INPP4B: variants seen among roughly 807,000 people sequenced by gnomAD.
INPP4B encodes inositol polyphosphate-4-phosphatase type II B.
A neutral mutation model predicts 122.5 loss-of-function variants in INPP4B; 55 were observed. The observed-to-expected ratio is 0.45, with a 90% CI of 0.36 to 0.56. The LOEUF (loss-of-function observed/expected upper bound fraction) is 0.56. Among genes scored for constraint, INPP4B ranks in the 20% least tolerant of loss-of-function variants. The pLI is 0.00. For missense variants in INPP4B, 1,000 were observed against 1,097.7 expected, an observed-to-expected ratio of 0.91 and a Z score of 1.26; for synonymous variants, 403 against 388.7, an observed-to-expected ratio of 1.04 and a Z score of -0.43.
chr4:142,590,901 C>T (rs72726470), intron 2 of INPP4B, among the ~76,000 whole-genome samples: 1 of 105,410 alleles, frequency 9.5e-6, no homozygotes, highest in Non-Finnish European at 2.0e-5. Context: ...AAAAAAAAAA[C>T]AAAAGAACTA....
At chr4:142,396,238 A>G (rs1799318872) in intron 7 of INPP4B, among the ~76,000 whole-genome samples, 1 of 152,190 alleles carries the variant, frequency 6.6e-6, no homozygotes, top group Admixed American at 6.5e-5. Flanking sequence ...TGTATCCACA[A>G]TGTATGAAGA....
At chr4:142,527,782 G>A (rs1002862791) in intron 2 of INPP4B, among the ~76,000 whole-genome samples, 1 of 151,934 alleles carries the variant, frequency 6.6e-6, no homozygotes, top group Non-Finnish European at 1.5e-5. Flanking sequence ...CAGGAGGTCT[G>A]TGAAGTCAAG....
intron 8 of INPP4B, among the ~76,000 whole-genome samples, chr4:142,313,832 C>T (rs1015752988): frequency 1.4e-4 from 21 of 152,188 alleles, no homozygotes; most frequent in African/African-American, 4.3e-4. Context: ...TCACTAACAG[C>T]TGCAGAGATA....
chr4:142,818,746 G>T (rs74649812), intron 1 of INPP4B, among the ~76,000 whole-genome samples: 1,882 of 152,134 alleles, frequency 0.012, 31 homozygotes, highest in African/African-American at 0.038. Flanking sequence ...CCACAACTCT[G>T]TCAGGTCACT....
intron 1 of INPP4B, among the ~76,000 whole-genome samples, chr4:142,729,230 T>C (rs1051193308): frequency 1.3e-5 from 2 of 152,190 alleles, no homozygotes; most frequent in African/African-American, 2.4e-5. Context: ...CATCTCCCAC[T>C]GTGTGGCCCG....
chr4:142,290,781 G>A (rs1045468485), intron 9 of INPP4B, among the ~76,000 whole-genome samples: 8 of 152,076 alleles, frequency 5.3e-5, no homozygotes, highest in Non-Finnish European at 8.8e-5. Flanking sequence ...GATGGGGGAC[G>A]TGGTATGTAT....
intron 1 of INPP4B, among the ~76,000 whole-genome samples, chr4:142,734,642 G>A (rs1019370166): frequency 6.6e-6 from 1 of 151,784 alleles, no homozygotes; most frequent in Non-Finnish European, 1.5e-5. Context: ...ATTAGATTTT[G>A]TTTGTTTGTT....
chr4:142,392,270 C>T lies in INPP4B; in HGVS notation c.372+10668G>A, dbSNP rs541741986. ...GATCCTTGATGTGAACAGTTTTTCC[C>T]AAGATCATGGATAAAGACTTCTACT... On this transcript the variant is annotated intron_variant, in intron 7 of 25. Transcript: ENST00000262992. Among the ~76,000 whole-genome samples, 264 of 152,218 alleles carry T rather than the reference C, an allele frequency of 1.7e-3. 2 individuals are homozygous for T. Among genetic ancestry groups the T allele is most frequent in the African/African-American group, 5.9e-3 (246 of 41,544 alleles).
At chr4:142,744,910 C>A (rs1201542322) in intron 1 of INPP4B, among the ~76,000 whole-genome samples, 1 of 151,474 alleles carries the variant, frequency 6.6e-6, no homozygotes, top group Non-Finnish European at 1.5e-5. Flanking sequence ...AAGCAATAAT[C>A]GTTTCACAAG....
chr4:142,368,309 A>T lies in INPP4B; in HGVS notation c.372+34629T>A, dbSNP rs181807315. On this transcript the variant is annotated intron_variant, in intron 7 of 25. Coordinates refer to ENST00000262992, the MANE Select transcript of INPP4B (RefSeq NM_001101669.3). ...ATTGAGTTTAATTCTGTATTTTTTT[A>T]AAAAAATAGTATCACAATGAAAAAT... is the stretch of plus-strand genomic sequence containing the variant. Among the ~76,000 whole-genome samples, 199 of 152,110 alleles carry T rather than the reference A, an allele frequency of 1.3e-3. 1 individual carries two copies. In the East Asian group the frequency reaches 0.016, roughly 12 times the overall value.
rs559596572 is a variant in INPP4B, at chr4:142,213,290, C to T, written c.837-4264G>A. ...CACCCAACAGGTGTTGGGTCTCTATCGTACCCCGGAGGAATGGTACCATCT... is the reference window on the plus strand; with the variant it reads ...CACCCAACAGGTGTTGGGTCTCTATTGTACCCCGGAGGAATGGTACCATCT... On this transcript the variant is annotated intron_variant, in intron 12 of 25. Transcript: ENST00000262992. Among the ~76,000 whole-genome samples, 9 of 152,252 alleles carry T rather than the reference C, an allele frequency of 5.9e-5. No individual in the cohort carries two copies. The South Asian group carries it at 8.3e-4, about 14-fold the overall frequency.
In INPP4B at chr4:142,754,173, T is replaced by C. The variant is rs573463550; in HGVS notation, c.-253-28272A>G. The stretch of plus-strand genomic sequence containing the variant: ...TGAATTTTTCATTCAGAATTTCCTT[T>C]TATACCTTTAATAATTCCATGGATT... On this transcript the variant is annotated intron_variant, in intron 1 of 25. Transcript: ENST00000262992. Among the ~76,000 whole-genome samples, 3 of 152,192 alleles carry C rather than the reference T, an allele frequency of 2.0e-5. No individual in the cohort carries two copies. In the East Asian group the frequency reaches 5.8e-4, roughly 29 times the overall value.
rs141888755 is a variant in INPP4B at position 142,108,272 on chromosome 4, G to C, written c.2277-82C>G. On this transcript the variant is annotated intron_variant, in intron 22 of 25. Coordinates refer to ENST00000262992, the MANE Select transcript of INPP4B (RefSeq NM_001101669.3). ...ACATTTTACCTTTCCTTTTTAAATAGATTAGAAAATAATTTCCTAAGGAAA... is the reference window on the plus strand; with the variant it reads ...ACATTTTACCTTTCCTTTTTAAATACATTAGAAAATAATTTCCTAAGGAAA... 4.2e-3 allele frequency: 3,037 copies of C among 725,994 alleles called. 85 individuals carry two copies. In the African/African-American group the frequency reaches 0.051, roughly 12 times the overall value. The allele number at this position is 725,994 out of a possible 1,614,324, so 45.0% of individuals were successfully genotyped here.
chr4:142,647,553 T>C (rs1317801654), intron 2 of INPP4B, among the ~76,000 whole-genome samples: 4 of 152,106 alleles, frequency 2.6e-5, no homozygotes, highest in African/African-American at 7.2e-5. Context: ...TGTGGAGAAA[T>C]AGACAGTGTC....
chr4:142,168,773 T>C (rs954920946), intron 16 of INPP4B, among the ~76,000 whole-genome samples: 4 of 151,614 alleles, frequency 2.6e-5, no homozygotes, highest in Non-Finnish European at 5.9e-5. Context: ...GGCACTCATT[T>C]ACAGATCTCC....
chr4:142,537,419 TATATATATATAGAGAG>T (rs1184134820), intron 2 of INPP4B, among the ~76,000 whole-genome samples: 35 of 52,162 alleles, frequency 6.7e-4, no homozygotes, highest in African/African-American at 2.0e-3. Context: ...TATATATATA[TATATATATATAGAGAG>T]AGAGAGAGAG....
rs190679642 is a variant in INPP4B, at chr4:142,495,814, T to C, written c.-190-33088A>G. Among the ~76,000 whole-genome samples, 51 of 152,302 alleles carry C rather than the reference T, an allele frequency of 3.3e-4. 1 individual carries two copies. The East Asian group carries it at 6.9e-3, about 21-fold the overall frequency. On this transcript the variant is annotated intron_variant, in intron 2 of 25. Coordinates refer to ENST00000262992, the MANE Select transcript of INPP4B (RefSeq NM_001101669.3). The stretch of plus-strand genomic sequence containing the variant: ...AATTATAAACCAGCTATGTGTTCTC[T>C]GATTTTGTTACTTCTTTGCTGAGTG...
At chr4:142,080,851 C>A (rs1025897432) in intron 25 of INPP4B, among the ~76,000 whole-genome samples, 5 of 152,104 alleles carry the variant, frequency 3.3e-5, no homozygotes, top group Non-Finnish European at 5.9e-5. Context: ...TCTTTTTCTG[C>A]AGATTTGAAG....
intron 24 of INPP4B, among the ~76,000 whole-genome samples, chr4:142,083,496 C>T (rs1383893582): frequency 1.3e-5 from 2 of 152,162 alleles, no homozygotes; most frequent in Admixed American, 6.5e-5. Flanking sequence ...CATTACAATG[C>T]TAATCAGTGT....
Sources: gnomAD v4.1 joint callset for allele counts (sites outside exome capture counted in the v4.1 genomes callset) on GRCh38, gnomAD v4.1.1 for gene constraint, MANE v1.5 for transcripts, NCBI Gene and HGNC (gene_info 2026-07-23, HGNC 2026-07-21) for gene names.